STRBP: variants seen among roughly 807,000 people sequenced by gnomAD.
STRBP encodes the protein spermatid perinuclear RNA binding protein.
In STRBP, 13 loss-of-function variants were observed where a neutral mutation model predicts 80.1. That is an observed-to-expected ratio of 0.16 (90% CI 0.11 to 0.26). The LOEUF (loss-of-function observed/expected upper bound fraction) is 0.26, where lower values mean the gene tolerates loss of function less well. STRBP is among the 10% of genes least tolerant of loss of function. STRBP has a pLI of 1.00. For missense variants in STRBP, 485 were observed against 815.2 expected, an observed-to-expected ratio of 0.59 and a Z score of 4.93; for synonymous variants, 284 against 291.2, an observed-to-expected ratio of 0.98 and a Z score of 0.25.
chr9:123,250,851 C>A (rs1296969754), intron 1 of STRBP, among the ~76,000 whole-genome samples: 1 of 152,180 alleles, frequency 6.6e-6, no homozygotes, highest in Admixed American at 6.5e-5. Context: ...GCTACAGTGG[C>A]TCACACCTAT....
At chr9:123,129,442 A>C (rs1425573873) in intron 17 of STRBP, among the ~76,000 whole-genome samples, 1 of 152,200 alleles carries the variant, frequency 6.6e-6, no homozygotes, top group African/African-American at 2.4e-5. Flanking sequence ...TCACCATGGC[A>C]CTTTTACACA....
chr9:123,254,393 G>A (rs942710330), intron 1 of STRBP, among the ~76,000 whole-genome samples: 17 of 150,700 alleles, frequency 1.1e-4, no homozygotes, highest in Admixed American at 1.1e-3. Flanking sequence ...CCCGGGAGGC[G>A]GAGCCTGCAG....
intron 2 of STRBP, among the ~76,000 whole-genome samples, chr9:123,236,582 T>G (rs1339315666): frequency 6.6e-6 from 1 of 151,900 alleles, no homozygotes; most frequent in Non-Finnish European, 1.5e-5. Flanking sequence ...TATTGGACAT[T>G]GGTGATATTA....
intron 1 of STRBP, among the ~76,000 whole-genome samples, chr9:123,248,651 GAATA>G (rs1180507158): frequency 2.6e-5 from 4 of 152,098 alleles, no homozygotes; most frequent in African/African-American, 9.7e-5. Flanking sequence ...AACAATGTGA[GAATA>G]AAAATATAAA....
At chr9:123,192,733 T>C (rs1433576724) in intron 2 of STRBP, among the ~76,000 whole-genome samples, 7 of 152,254 alleles carry the variant, frequency 4.6e-5, no homozygotes. Flanking sequence ...GTTGTTTTAC[T>C]ATGTTTTACC....
At chr9:123,230,498 T>C (rs370216605) in intron 2 of STRBP, among the ~76,000 whole-genome samples, 4 of 152,222 alleles carry the variant, frequency 2.6e-5, no homozygotes, top group African/African-American at 9.6e-5. Context: ...TAAATACTTA[T>C]TGATGGATAC....
chr9:123,258,040 A>C (rs1237690271), intron 1 of STRBP, among the ~76,000 whole-genome samples: 1 of 152,122 alleles, frequency 6.6e-6, no homozygotes, highest in East Asian at 1.9e-4. Flanking sequence ...AGACGACTTC[A>C]AGGCGCATAA....
At chr9:123,179,523 C>T (rs1242569815) in intron 3 of STRBP, among the ~76,000 whole-genome samples, 1 of 152,152 alleles carries the variant, frequency 6.6e-6, no homozygotes, top group Non-Finnish European at 1.5e-5. Context: ...TGCCTGTAAT[C>T]CCAGCACTTT....
intron 1 of STRBP, among the ~76,000 whole-genome samples, chr9:123,254,565 G>C (rs141236363): frequency 2.0e-5 from 3 of 151,930 alleles, no homozygotes; most frequent in Non-Finnish European, 4.4e-5. Context: ...TAACCTCTCT[G>C]GAACAAAGCA....
rs181734415 is a variant in STRBP at position 123,112,116 on chromosome 9, C to T, written c.*85-2363G>A. The T allele has an allele frequency of 3.3e-3, 548 of 167,624 alleles. 10 individuals carry two copies. The highest frequency in any genetic ancestry group is 7.9e-3 in the Admixed American group (121 of 15,320). 10.4% of individuals were successfully genotyped at this position (167,624 alleles called of 1,614,324 possible). On this transcript the variant is annotated intron_variant and NMD_transcript_variant, in intron 3 of 3. Coordinates refer to the STRBP transcript ENST00000471564. ...TGGCCCGACTGTGCTGGGGCAGCAA[C>T]GTAGCCCTCGCCTCCTGACTCAGTC...
intron 11 of STRBP, among the ~76,000 whole-genome samples, chr9:123,148,514 T>A (rs547951479): frequency 6.6e-6 from 1 of 152,352 alleles, no homozygotes; most frequent in Non-Finnish European, 1.5e-5. Context: ...TATATCAAAA[T>A]GTTAAAAAGT....
At position 123,115,852 on chromosome 9, in the gene STRBP, G is replaced by T. The variant is rs150916798; in HGVS notation, c.*84+77C>A. On this transcript the variant is annotated intron_variant and NMD_transcript_variant, in intron 3 of 3. Coordinates refer to the STRBP transcript ENST00000471564. The surrounding 1 kb of genome is among the most constrained non-coding windows in gnomAD (Gnocchi z 5.0). ...CGGGAGGTGTATTTTAGCTCAAATT[G>T]CCCCACTGGCTTCCCATAATTGTCT... 337 of 360,482 alleles carry T rather than the reference G, an allele frequency of 9.3e-4. 3 individuals are homozygous for T. The East Asian group carries it at 0.015, about 16-fold the overall frequency. 22.3% of individuals were successfully genotyped at this position (360,482 alleles called of 1,614,324 possible). A position where few individuals can be genotyped will look rare whatever the true frequency, so the allele number is the denominator to read the frequency against.
rs781014904 is a variant in STRBP, at chr9:123,146,981, A to G, written c.1212T>C (p.Tyr404=). ...CGGGGCCAGACTGAGATAGGAGCTTATACTGAAGCCCAGGCCTGATCTGAT... is the reference window on the plus strand; with the variant it reads ...CGGGGCCAGACTGAGATAGGAGCTTGTACTGAAGCCCAGGCCTGATCTGAT... ...RLNQIRPGLQ[Y]KLLSQSGPVH... is the part of the protein sequence containing the mutation. Residue 404 remains tyrosine, a synonymous_variant, in exon 13 of 19, where the codon TAT becomes TAC. Coordinates refer to ENST00000348403, the MANE Select transcript of STRBP (RefSeq NM_018387.5). The G allele has an allele frequency of 3.1e-6, 5 of 1,614,152 alleles. No individual in the cohort carries two copies. In the South Asian group the frequency reaches 4.4e-5, roughly 14 times the overall value.
intron 2 of STRBP, among the ~76,000 whole-genome samples, chr9:123,229,327 T>C (rs2040334114): frequency 6.6e-6 from 1 of 152,142 alleles, no homozygotes; most frequent in South Asian, 2.1e-4. Context: ...ATAGCGAATT[T>C]TAGGGCATGT....
intron 2 of STRBP, among the ~76,000 whole-genome samples, chr9:123,197,491 A>G (rs911914159): frequency 3.9e-5 from 6 of 151,980 alleles, no homozygotes; most frequent in African/African-American, 9.7e-5. Flanking sequence ...TGTTAATCCC[A>G]GGCTCCCCTC....
intron 16 of STRBP, among the ~76,000 whole-genome samples, chr9:123,135,578 G>A (rs142217996): frequency 1.3e-4 from 20 of 152,214 alleles, no homozygotes; most frequent in Non-Finnish European, 2.8e-4. Flanking sequence ...ACAATACAGC[G>A]CCAAATTTTA....
intron 17 of STRBP, among the ~76,000 whole-genome samples, chr9:123,129,046 T>C (rs1330186430): frequency 6.6e-6 from 1 of 152,160 alleles, no homozygotes; most frequent in African/African-American, 2.4e-5. Context: ...AGCTTAGATA[T>C]AGGTAATATG....
chr9:123,236,153 A>G (rs577029857), intron 2 of STRBP, among the ~76,000 whole-genome samples: 92 of 152,322 alleles, frequency 6.0e-4, no homozygotes, highest in Non-Finnish European at 8.4e-4. Context: ...AAAGTAGAAA[A>G]TGTTCCCAAT....
chr9:123,186,162 G>A (rs1303279413), intron 2 of STRBP, among the ~76,000 whole-genome samples: 4 of 151,798 alleles, frequency 2.6e-5, no homozygotes, highest in African/African-American at 9.7e-5. Flanking sequence ...GGGCAACACA[G>A]TGAGACCCCA....
Sources: allele counts gnomAD v4.1 joint callset (sites outside exome capture counted in the v4.1 genomes callset), GRCh38; gene constraint gnomAD v4.1.1; non-coding constraint Gnocchi (gnomAD v3.1); transcripts MANE v1.5; gene names NCBI Gene and HGNC (gene_info 2026-07-23, HGNC 2026-07-21).